Variants in ATF2 observed in about 807,000 individuals in gnomAD.
ATF2 encodes activating transcription factor 2.
In ATF2, 24 loss-of-function variants were observed where a neutral mutation model predicts 60.6. That is an observed-to-expected ratio of 0.40 (90% confidence interval 0.29 to 0.56). The LOEUF is 0.56. Ranked by LOEUF, ATF2 falls within the 20% of genes least tolerant of loss-of-function variation. The probability of loss-of-function intolerance (pLI) is 0.54; values close to 1 mark genes in which losing one functional copy is unlikely to be tolerated. For missense variants in ATF2, 433 were observed against 607.7 expected (o/e 0.71, Z 3.02); for synonymous variants, 206 against 215.4 (o/e 0.96, Z 0.38).
At chr2:175,155,329 G>A (rs1303006398) in intron 1 of ATF2, among the ~76,000 whole-genome samples, 1 of 152,134 alleles carries the variant, frequency 6.6e-6, no homozygotes, top group Non-Finnish European at 1.5e-5. Flanking sequence ...AAATAAGAGT[G>A]CCTTAAAACC....
At chr2:175,148,675 C>G (rs1699108064) in intron 2 of ATF2, among the ~76,000 whole-genome samples, 1 of 152,176 alleles carries the variant, frequency 6.6e-6, no homozygotes, top group African/African-American at 2.4e-5. Context: ...CTCTTTAAGT[C>G]TGGTAAGAAA....
chr2:175,148,122 A>C (rs1419312139), intron 2 of ATF2: 1 of 152,192 alleles, frequency 6.6e-6, no homozygotes, highest in African/African-American at 2.4e-5. Context: ...GGCACAGAAA[A>C]ACAGAGGTGA....
chr2:175,130,300 A>G, intron 3 of ATF2, 93 bp from the exon 4 acceptor site: 1 of 780,026 alleles, frequency 1.3e-6, no homozygotes. Context: ...AAGCTTATTA[A>G]CTTTTCTATT....
At chr2:175,102,351 A>G (rs887498039) in intron 10 of ATF2, among the ~76,000 whole-genome samples, 1 of 152,224 alleles carries the variant, frequency 6.6e-6, no homozygotes, top group African/African-American at 2.4e-5. Context: ...TTAGTAATCA[A>G]TTAAGTTAAG....
chr2:175,136,278 T>C (rs1433087568), intron 3 of ATF2, 134 bp downstream of exon 3: 7 of 833,276 alleles, frequency 8.4e-6, no homozygotes, highest in Non-Finnish European at 1.4e-5. Flanking sequence ...TCAGCTAAAC[T>C]ACATACTAAG....
chr2:175,108,477 C>G (rs1409100937), intron 10 of ATF2, among the ~76,000 whole-genome samples: 8 of 149,070 alleles, frequency 5.4e-5, no homozygotes, highest in African/African-American at 1.0e-4. Context: ...GGTCAGCCCC[C>G]GCCCGGCCAG....
Position 175,116,202 on chromosome 2 carries a change from A to T in ATF2, c.448-1334T>A, listed in dbSNP as rs531913364. Among the ~76,000 whole-genome samples the T allele has an allele frequency of 3.9e-5, 6 of 152,266 alleles. No individual in the cohort carries two copies. In the South Asian group the frequency reaches 1.2e-3, roughly 32 times the overall value. On this transcript the variant is annotated intron_variant, in intron 7 of 13. Transcript: ENST00000264110. ...CAGAAAATGGATTGGAGGTAGAAGC[A>T]GGAAGACAAGTTAGAAGGTAACTGT... is the stretch of plus-strand genomic sequence containing the variant.
At chr2:175,138,583 A>G (rs1698291005) in intron 2 of ATF2, among the ~76,000 whole-genome samples, 1 of 152,232 alleles carries the variant, frequency 6.6e-6, no homozygotes. Context: ...CCCATTTAAC[A>G]GTATCAGACT....
chr2:175,115,885 T>G (rs965614749), intron 7 of ATF2, among the ~76,000 whole-genome samples: 1 of 152,104 alleles, frequency 6.6e-6, no homozygotes, highest in Non-Finnish European at 1.5e-5. Flanking sequence ...ATAGTAAGAA[T>G]AGGTGAGCTT....
At chr2:175,125,851 C>T (rs1196103884) in intron 4 of ATF2, among the ~76,000 whole-genome samples, 2 of 152,114 alleles carry the variant, frequency 1.3e-5, no homozygotes, top group Non-Finnish European at 2.9e-5. Context: ...ATCCCATCCT[C>T]TCCTAGCTAT....
At chr2:175,109,541 T>C (rs1426747741) in intron 10 of ATF2, among the ~76,000 whole-genome samples, 3 of 152,224 alleles carry the variant, frequency 2.0e-5, no homozygotes, top group Non-Finnish European at 4.4e-5. Flanking sequence ...AAGTGTAAAG[T>C]TTAACAGTTT....
chr2:175,148,299 A>T (rs1395030135), intron 2 of ATF2, among the ~76,000 whole-genome samples: 2 of 152,100 alleles, frequency 1.3e-5, no homozygotes, highest in Non-Finnish European at 2.9e-5. Context: ...AGGGCCCTGA[A>T]ATGCTACTAA....
At chr2:175,129,823 A>G (rs907817187) in intron 4 of ATF2, among the ~76,000 whole-genome samples, 1 of 152,042 alleles carries the variant, frequency 6.6e-6, no homozygotes, top group Admixed American at 6.6e-5. Context: ...CTAATTAGGC[A>G]GTTTATCAAT....
intron 1 of ATF2, among the ~76,000 whole-genome samples, chr2:175,163,202 C>T (rs1700133985): frequency 1.3e-5 from 2 of 151,228 alleles, no homozygotes; most frequent in Admixed American, 1.3e-4. Flanking sequence ...AACATACTAG[C>T]CCGAACAGTA....
rs935631419 is a variant in ATF2, at chr2:175,088,635, T to C, written c.1185+4426A>G. Among the ~76,000 whole-genome samples, 25 of 152,066 alleles carry C rather than the reference T, an allele frequency of 1.6e-4. No homozygotes were observed. In the East Asian group the frequency reaches 2.2e-3, roughly 13 times the overall value. On this transcript the variant is annotated intron_variant, in intron 12 of 13. Coordinates refer to ENST00000264110, the MANE Select transcript of ATF2 (RefSeq NM_001880.4). ...CCTTTAATGGCAAAAGCTGCGATTCTGTTTGCACCAACCTAATATAACAGC... is the reference window on the plus strand; with the variant it reads ...CCTTTAATGGCAAAAGCTGCGATTCCGTTTGCACCAACCTAATATAACAGC...
chr2:175,103,274 C>T (rs183607434), intron 10 of ATF2, among the ~76,000 whole-genome samples: 2 of 152,290 alleles, frequency 1.3e-5, no homozygotes, highest in African/African-American at 2.4e-5. Context: ...TGTTATCCTA[C>T]CATCTGCTGC....
At chr2:175,094,247 A>T (rs373808792) in intron 11 of ATF2, among the ~76,000 whole-genome samples, 1 of 152,040 alleles carries the variant, frequency 6.6e-6, no homozygotes, top group East Asian at 1.9e-4. Context: ...CAAAAAAATT[A>T]GCTGAGCGTG....
chr2:175,139,863 A>T (rs909229786), intron 2 of ATF2, among the ~76,000 whole-genome samples: 1 of 152,124 alleles, frequency 6.6e-6, no homozygotes, highest in African/African-American at 2.4e-5. Context: ...CTTCCATTCC[A>T]ATTCTTCAAT....
chr2:175,150,229 C>T (rs1256410729), intron 2 of ATF2, among the ~76,000 whole-genome samples: 2 of 151,994 alleles, frequency 1.3e-5, no homozygotes, highest in African/African-American at 4.8e-5. Context: ...GAATTTTTGT[C>T]AAAATTAGAA....
Sources: allele counts gnomAD v4.1 joint callset (sites outside exome capture counted in the v4.1 genomes callset), GRCh38; gene constraint gnomAD v4.1.1; transcripts MANE v1.5; gene names NCBI Gene and HGNC (gene_info 2026-07-23, HGNC 2026-07-21).